Variants in SPMIP5 observed in about 807,000 individuals in gnomAD.
SPMIP5 encodes the protein sperm-associated microtubule inner protein 5.
the SPMIP5 span, chr10:116,663,784 C>T: frequency 1.1e-5 from 12 of 1,119,664 alleles, no homozygotes; most frequent in South Asian, 5.5e-5. Flanking sequence ...AGGATGCAGG[C>T]GGCAGTTAAA....
the SPMIP5 span, among the ~76,000 whole-genome samples, chr10:116,668,933 G>GCACACACGCACACACACA: frequency 7.4e-6 from 1 of 135,282 alleles, no homozygotes; most frequent in East Asian, 2.3e-4. Context: ...GCACACACAT[G>GCACACACGCACACACACA]CACACACACA....
chr10:116,665,404 C>CAAA, the SPMIP5 span: 156 of 286,392 alleles, frequency 5.4e-4, no homozygotes, highest in Admixed American at 9.3e-4. Context: ...GACTCCGTCT[C>CAAA]AAAAAAAAAA....
chr10:116,667,622 T>C, the SPMIP5 span, among the ~76,000 whole-genome samples: 2 of 152,168 alleles, frequency 1.3e-5, no homozygotes, highest in African/African-American at 4.8e-5. Context: ...GAGCCAAGGG[T>C]CTGTGGGGAC....
the SPMIP5 span, chr10:116,664,078 T>C: frequency 1.2e-6 from 2 of 1,611,544 alleles, no homozygotes; most frequent in Non-Finnish European, 1.7e-6. Context: ...CCGTGTGAGT[T>C]GCAGGGAGCT....
chr10:116,666,796 G>A, the SPMIP5 span, among the ~76,000 whole-genome samples: 3 of 152,244 alleles, frequency 2.0e-5, no homozygotes, highest in African/African-American at 7.2e-5. Context: ...CATCAGGGCC[G>A]ACTTTGGTCT....
chr10:116,664,601 C>G, the SPMIP5 span: 1 of 1,378,202 alleles, frequency 7.3e-7, no homozygotes, highest in Non-Finnish European at 9.6e-7. Flanking sequence ...CACCTGCCTA[C>G]TGGGGAAGCC....
At chr10:116,666,320 C>T in the SPMIP5 span, among the ~76,000 whole-genome samples, 15 of 152,264 alleles carry the variant, frequency 9.9e-5, no homozygotes, top group East Asian at 2.7e-3. Flanking sequence ...ATCTGCAAGA[C>T]CCACCCCTAG....
At chr10:116,662,761 A>C in the SPMIP5 span, among the ~76,000 whole-genome samples, 6 of 152,130 alleles carry the variant, frequency 3.9e-5, no homozygotes, top group Non-Finnish European at 5.9e-5. Context: ...AAAAACATGA[A>C]AGTCCTAGTC....
At chr10:116,664,950 G>C in the SPMIP5 span, 2 of 1,608,500 alleles carry the variant, frequency 1.2e-6, no homozygotes, top group Non-Finnish European at 1.7e-6. Context: ...TTTGCATTCT[G>C]TAAAAAGACA....
chr10:116,668,958 C>T, the SPMIP5 span, among the ~76,000 whole-genome samples: 1 of 151,670 alleles, frequency 6.6e-6, no homozygotes, highest in East Asian at 1.9e-4. Context: ...CACACACACA[C>T]ACACACACAC....
At chr10:116,669,822 G>A in the SPMIP5 span, 1 of 151,632 alleles carries the variant, frequency 6.6e-6, no homozygotes, top group South Asian at 2.1e-4. Context: ...GGTGGGCAGG[G>A]AGGAGGGTGG....
chr10:116,665,818 G>A, the SPMIP5 span: 3 of 1,607,556 alleles, frequency 1.9e-6, no homozygotes, highest in African/African-American at 4.0e-5. Context: ...CTGAGGAATG[G>A]CACAAAGCCT....
At chr10:116,662,755 A>G in the SPMIP5 span, among the ~76,000 whole-genome samples, 3 of 152,162 alleles carry the variant, frequency 2.0e-5, no homozygotes, top group African/African-American at 4.8e-5. Context: ...CTCAAAAAAA[A>G]CATGAAAGTC....
chr10:116,664,105 A>C, the SPMIP5 span: 1 of 1,613,752 alleles, frequency 6.2e-7, no homozygotes, highest in Non-Finnish European at 8.5e-7. Flanking sequence ...GCTAAGCAGA[A>C]AGGCCACTGC....
the SPMIP5 span, among the ~76,000 whole-genome samples, chr10:116,662,777 A>G: frequency 6.6e-6 from 1 of 152,168 alleles, no homozygotes; most frequent in Non-Finnish European, 1.5e-5. Flanking sequence ...TAGTCCCCGT[A>G]CTTTATGTGA....
At chr10:116,664,737 G>A in the SPMIP5 span, 2 of 1,608,732 alleles carry the variant, frequency 1.2e-6, no homozygotes, top group East Asian at 4.5e-5. Flanking sequence ...TTGTGCCTGG[G>A]GTACGGACCC....
chr10:116,663,813 T>G, the SPMIP5 span: 1 of 1,359,218 alleles, frequency 7.4e-7, no homozygotes, highest in Non-Finnish European at 9.6e-7. Context: ...GTTACTAAAT[T>G]TCTTTATTGC....
chr10:116,665,756 G>C, the SPMIP5 span: 1 of 1,614,114 alleles, frequency 6.2e-7, no homozygotes, highest in East Asian at 2.2e-5. Flanking sequence ...TTTTCTCCTG[G>C]AAGGTTTTCA....
chr10:116,665,509 C>A, the SPMIP5 span: 1 of 1,029,598 alleles, frequency 9.7e-7, no homozygotes, highest in Non-Finnish European at 1.4e-6. Flanking sequence ...GGATTTGGAA[C>A]GGTGCGGGAT....
Sources: allele counts gnomAD v4.1 joint callset (sites outside exome capture counted in the v4.1 genomes callset), GRCh38; gene constraint gnomAD v4.1.1; transcripts MANE v1.5; gene names NCBI Gene and HGNC (gene_info 2026-07-23, HGNC 2026-07-21).